Variants in ZNG1A observed in about 807,000 individuals in gnomAD.
The protein encoded by ZNG1A is zinc-regulated GTPase metalloprotein activator 1A.
the ZNG1A span, among the ~76,000 whole-genome samples, chr9:145,757 T>C: frequency 6.6e-6 from 1 of 151,276 alleles, no homozygotes; most frequent in Non-Finnish European, 1.5e-5. Flanking sequence ...AAAAATAAAG[T>C]GAAGAGAGTT....
At chr9:129,660 G>A in the ZNG1A span, among the ~76,000 whole-genome samples, 3 of 144,916 alleles carry the variant, frequency 2.1e-5, no homozygotes, top group South Asian at 6.9e-4. Flanking sequence ...CCAGGGGTGA[G>A]AGGGAGACGA....
At chr9:144,527 C>A in the ZNG1A span, among the ~76,000 whole-genome samples, 1 of 152,064 alleles carries the variant, frequency 6.6e-6, no homozygotes, top group African/African-American at 2.4e-5. Context: ...CTTCCTTACA[C>A]CTTATACAAA....
the ZNG1A span, among the ~76,000 whole-genome samples, chr9:141,135 G>C: frequency 6.9e-5 from 9 of 130,814 alleles, no homozygotes; most frequent in South Asian, 5.9e-4. Flanking sequence ...TTATCCAGGA[G>C]AACTTCCCCA....
chr9:159,535 A>G, the ZNG1A span, among the ~76,000 whole-genome samples: 1 of 152,172 alleles, frequency 6.6e-6, no homozygotes, highest in African/African-American at 2.4e-5. Flanking sequence ...TTAAATATAT[A>G]TAATTTTTAC....
chr9:168,557 C>T, the ZNG1A span, among the ~76,000 whole-genome samples: 1 of 150,174 alleles, frequency 6.7e-6, no homozygotes, highest in African/African-American at 2.5e-5. Flanking sequence ...CGGCCAGCAA[C>T]AGATTTTTAA....
chr9:154,851 G>C, the ZNG1A span: 1 of 1,351,018 alleles, frequency 7.4e-7, no homozygotes, highest in Middle Eastern at 1.9e-4. Flanking sequence ...CACGCATGCA[G>C]ATTAATACAT....
chr9:135,458 A>G, the ZNG1A span, among the ~76,000 whole-genome samples: 1 of 92,516 alleles, frequency 1.1e-5, no homozygotes, highest in Non-Finnish European at 2.0e-5. Context: ...TTGCAAGGAT[A>G]AATTTTCCTT....
At chr9:134,661 AC>A in the ZNG1A span, among the ~76,000 whole-genome samples, 67 of 20,454 alleles carry the variant, frequency 3.3e-3, no homozygotes, top group Middle Eastern at 0.019. Flanking sequence ...TGCCTATAGA[AC>A]CCCCAGGCTG....
At chr9:178,870 C>T in the ZNG1A span, 4 of 1,151,982 alleles carry the variant, frequency 3.5e-6, 1 homozygote, top group Non-Finnish European at 5.0e-6. Flanking sequence ...CCAGACTTTT[C>T]CTCCTCCTCG....
the ZNG1A span, among the ~76,000 whole-genome samples, chr9:128,663 A>T: frequency 2.0e-5 from 3 of 149,674 alleles, no homozygotes; most frequent in African/African-American, 7.6e-5. Context: ...AACCTAGTGA[A>T]TTCTTTTTCA....
the ZNG1A span, chr9:177,662 G>T: frequency 1.1e-4 from 142 of 1,343,788 alleles, no homozygotes; most frequent in African/African-American, 2.0e-3. Context: ...CAACAAGGTT[G>T]CTGGTATTAA....
At chr9:124,923 C>CAT in the ZNG1A span, among the ~76,000 whole-genome samples, 1 of 151,084 alleles carries the variant, frequency 6.6e-6, no homozygotes, top group African/African-American at 2.4e-5. Flanking sequence ...CCATTGTATG[C>CAT]ATATATATCA....
At chr9:146,918 G>C in the ZNG1A span, 1 of 152,296 alleles carries the variant, frequency 6.6e-6, no homozygotes, top group Admixed American at 6.5e-5. Flanking sequence ...GCTCATGCCT[G>C]CAATCCCAGC....
chr9:156,458 A>G, the ZNG1A span: 5 of 1,583,708 alleles, frequency 3.2e-6, no homozygotes, highest in Admixed American at 1.7e-5. Context: ...CCAGCAATCA[A>G]TATATACTTT....
chr9:164,104 G>A, the ZNG1A span: 3 of 1,505,286 alleles, frequency 2.0e-6, no homozygotes, highest in South Asian at 2.5e-5. Flanking sequence ...TTCTATCCAT[G>A]TTTTAATTTG....
chr9:132,365 A>T, the ZNG1A span, among the ~76,000 whole-genome samples: 1 of 128,090 alleles, frequency 7.8e-6, no homozygotes, highest in Non-Finnish European at 1.6e-5. Context: ...AAAAAAAAAA[A>T]AAAATACAAA....
chr9:173,964 A>C, the ZNG1A span, among the ~76,000 whole-genome samples: 1 of 151,944 alleles, frequency 6.6e-6, no homozygotes, highest in Non-Finnish European at 1.5e-5. Context: ...TCGCTAACAC[A>C]ATGAAACCTC....
At chr9:150,637 C>T in the ZNG1A span, 2 of 982,660 alleles carry the variant, frequency 2.0e-6, no homozygotes, top group Non-Finnish European at 2.4e-6. Context: ...TGGCAAGCAC[C>T]ATACACTGAA....
At chr9:155,085 C>T in the ZNG1A span, among the ~76,000 whole-genome samples, 1 of 151,436 alleles carries the variant, frequency 6.6e-6, no homozygotes, top group Non-Finnish European at 1.5e-5. Flanking sequence ...TCTTGTGCTA[C>T]AAAGATAAGT....
Sources: gnomAD v4.1 joint callset for allele counts (sites outside exome capture counted in the v4.1 genomes callset) on GRCh38, gnomAD v4.1.1 for gene constraint, MANE v1.5 for transcripts, NCBI Gene and HGNC (gene_info 2026-07-23, HGNC 2026-07-21) for gene names.